The following RPS6KC1 variants were observed in gnomAD, a reference collection of about 807,000 sequenced individuals.
RPS6KC1 encodes ribosomal protein S6 kinase C1.
RPS6KC1 carries 54 observed loss-of-function variants against 103.8 expected under a neutral mutation model. That is an observed-to-expected ratio of 0.52 (90% CI 0.42 to 0.65). The LOEUF is 0.65. Among genes scored for constraint, RPS6KC1 ranks in the 30% least tolerant of loss-of-function variants. RPS6KC1 has a pLI of 0.00. For missense variants in RPS6KC1, 1,151 were observed against 1,253.8 expected (o/e 0.92, Z 1.24); for synonymous variants, 439 against 438.7 (o/e 1.00, Z -0.01).
At chr1:213,451,658 C>T in the RPS6KC1 span, among the ~76,000 whole-genome samples, 38 of 152,208 alleles carry the variant, frequency 2.5e-4, no homozygotes, top group Non-Finnish European at 3.8e-4. Flanking sequence ...AAGCTCCTAT[C>T]GGCAACATGA....
chr1:213,647,235 T>C, the RPS6KC1 span, among the ~76,000 whole-genome samples: 2 of 152,116 alleles, frequency 1.3e-5, no homozygotes, highest in Non-Finnish European at 2.9e-5. Flanking sequence ...TTTTGAATCA[T>C]GATTTGAAGG....
chr1:213,126,834 T>G (rs1002272799), intron 5 of RPS6KC1, among the ~76,000 whole-genome samples: 1 of 152,180 alleles, frequency 6.6e-6, no homozygotes, highest in Admixed American at 6.6e-5. Flanking sequence ...ATGGCAGTGT[T>G]GAGTGGTGAC....
the RPS6KC1 span, among the ~76,000 whole-genome samples, chr1:213,379,146 C>T: frequency 6.8e-4 from 104 of 152,302 alleles, no homozygotes; most frequent in African/African-American, 2.4e-3. Flanking sequence ...GAACACCTAC[C>T]TTACAGGACT....
the RPS6KC1 span, among the ~76,000 whole-genome samples, chr1:213,556,757 C>T: frequency 6.6e-6 from 1 of 152,174 alleles, no homozygotes; most frequent in Non-Finnish European, 1.5e-5. Context: ...CACCTTGAGC[C>T]ATGGTAGAGA....
the RPS6KC1 span, among the ~76,000 whole-genome samples, chr1:213,852,641 T>G: frequency 4.1e-4 from 62 of 151,888 alleles, no homozygotes; most frequent in Non-Finnish European, 8.9e-5. Flanking sequence ...CATTTCTTTA[T>G]TGAAAAACCA....
At chr1:213,487,056 G>A in the RPS6KC1 span, among the ~76,000 whole-genome samples, 1 of 152,102 alleles carries the variant, frequency 6.6e-6, no homozygotes, top group Non-Finnish European at 1.5e-5. Flanking sequence ...CATCTACTTT[G>A]ATCCATCACC....
At chr1:213,151,173 AC>A (rs1162227839) in intron 6 of RPS6KC1, among the ~76,000 whole-genome samples, 4 of 103,398 alleles carry the variant, frequency 3.9e-5, no homozygotes, top group East Asian at 2.9e-4. Context: ...CGGGGGGCTG[AC>A]CCCCCCACCT....
the RPS6KC1 span, among the ~76,000 whole-genome samples, chr1:213,371,899 C>G: frequency 6.6e-6 from 1 of 152,180 alleles, no homozygotes. Context: ...AGAATGCCCA[C>G]TCCCTGCTCG....
chr1:213,709,537 G>A, the RPS6KC1 span, among the ~76,000 whole-genome samples: 1 of 145,264 alleles, frequency 6.9e-6, no homozygotes, highest in Non-Finnish European at 1.5e-5. Flanking sequence ...AGGGTTTTTT[G>A]TGCCTCTGTC....
the RPS6KC1 span, among the ~76,000 whole-genome samples, chr1:213,804,606 A>T: frequency 0.087 from 13,271 of 152,188 alleles, 965 homozygotes; most frequent in East Asian, 0.21. Flanking sequence ...TTCCAGTAGT[A>T]CTTGTCCCCT....
At chr1:213,279,840 G>A in the RPS6KC1 span, among the ~76,000 whole-genome samples, 4 of 152,152 alleles carry the variant, frequency 2.6e-5, no homozygotes, top group Non-Finnish European at 5.9e-5. Flanking sequence ...TCAACGTTAG[G>A]ATTACCTGAG....
chr1:213,790,521 A>G, the RPS6KC1 span, among the ~76,000 whole-genome samples: 1 of 152,218 alleles, frequency 6.6e-6, no homozygotes, highest in East Asian at 1.9e-4. Flanking sequence ...ACATCTGTCC[A>G]GGTAAAAAGA....
chr1:213,655,546 T>A, the RPS6KC1 span, among the ~76,000 whole-genome samples: 2 of 152,218 alleles, frequency 1.3e-5, no homozygotes, highest in Admixed American at 6.5e-5. Context: ...ATTTTGTAAG[T>A]TGACCAAGTT....
chr1:213,686,959 G>T, the RPS6KC1 span, among the ~76,000 whole-genome samples: 1 of 126,654 alleles, frequency 7.9e-6, no homozygotes, highest in African/African-American at 3.1e-5. Flanking sequence ...TCCAGATGTT[G>T]CCATGGCATT....
the RPS6KC1 span, among the ~76,000 whole-genome samples, chr1:213,477,050 C>A: frequency 4.6e-5 from 7 of 152,152 alleles, no homozygotes; most frequent in African/African-American, 1.7e-4. Context: ...GGTGGTGAGA[C>A]CTTCCCCCTG....
chr1:213,126,837 G>A (rs2085046654), intron 5 of RPS6KC1, among the ~76,000 whole-genome samples: 1 of 152,136 alleles, frequency 6.6e-6, no homozygotes, highest in Non-Finnish European at 1.5e-5. Context: ...GCAGTGTTGA[G>A]TGGTGACAGA....
At chr1:213,695,391 A>C in the RPS6KC1 span, among the ~76,000 whole-genome samples, 1 of 152,170 alleles carries the variant, frequency 6.6e-6, no homozygotes, top group Non-Finnish European at 1.5e-5. Flanking sequence ...TGAAGAAGTC[A>C]CTGGAGGAGT....
the RPS6KC1 span, among the ~76,000 whole-genome samples, chr1:213,534,429 A>T: frequency 6.6e-6 from 1 of 152,234 alleles, no homozygotes. Flanking sequence ...CTCATTTGAT[A>T]GATGAGGAAA....
chr1:213,739,361 A>G, the RPS6KC1 span, among the ~76,000 whole-genome samples: 1 of 152,242 alleles, frequency 6.6e-6, no homozygotes, highest in African/African-American at 2.4e-5. Context: ...CTTCTGGTCA[A>G]CAGTAGGCTA....
Sources: allele counts gnomAD v4.1 joint callset (sites outside exome capture counted in the v4.1 genomes callset), GRCh38; gene constraint gnomAD v4.1.1; transcripts MANE v1.5; gene names NCBI Gene and HGNC (gene_info 2026-07-23, HGNC 2026-07-21).